Variants in CRIM1 observed in about 807,000 individuals in gnomAD.
The protein encoded by CRIM1 is cysteine-rich motor neuron 1 protein.
Under a neutral mutation model 116.4 loss-of-function variants are expected in CRIM1, and 32 were observed. The ratio of observed to expected loss-of-function variants is 0.27; its 90% CI spans 0.21 to 0.37. CRIM1 has a LOEUF of 0.37. Among genes scored for constraint, CRIM1 ranks in the 10% least tolerant of loss-of-function variants. CRIM1 has a pLI of 1.00. For missense variants in CRIM1, 1,331 were observed against 1,354.8 expected (o/e 0.98, Z 0.28); for synonymous variants, 590 against 509.2 (o/e 1.16, Z -2.13).
chr2:36,398,394 T>A (rs1365048193), intron 2 of CRIM1, among the ~76,000 whole-genome samples: 2 of 152,194 alleles, frequency 1.3e-5, no homozygotes, highest in African/African-American at 4.8e-5. Context: ...GGAAGTTTTG[T>A]CCCAAAACCC....
At chr2:36,504,633 A>T (rs1449372784) in intron 8 of CRIM1, among the ~76,000 whole-genome samples, 4 of 152,238 alleles carry the variant, frequency 2.6e-5, no homozygotes, top group South Asian at 4.1e-4. Context: ...AGAATAAAAA[A>T]TGTTTTTAAA....
Position 36,393,444 on chromosome 2 carries a change from A to G in CRIM1, c.332-3170A>G, listed in dbSNP as rs138740629. 6.7e-4 allele frequency among the ~76,000 whole-genome samples: 102 copies of G among 152,212 alleles called. 1 individual carries two copies. The East Asian group carries it at 0.018, about 27-fold the overall frequency. ...AGACACTTTTTTTGTTAAAGACACA[A>G]CTGCATTGACCATACCAGTGACATA... is the stretch of plus-strand genomic sequence containing the variant. On this transcript the variant is annotated intron_variant, in intron 1 of 16. Transcript: ENST00000280527.
intron 15 of CRIM1, among the ~76,000 whole-genome samples, chr2:36,545,957 A>G: frequency 6.6e-6 from 1 of 152,134 alleles, no homozygotes; most frequent in South Asian, 2.1e-4. Flanking sequence ...TGCACTGGCT[A>G]AAATGATTAG....
intron 6 of CRIM1, among the ~76,000 whole-genome samples, chr2:36,478,957 G>T (rs967257868): frequency 6.6e-5 from 10 of 152,136 alleles, no homozygotes; most frequent in African/African-American, 2.2e-4. Context: ...AAGGCACAGT[G>T]ACCCATGGTA....
intron 13 of CRIM1, among the ~76,000 whole-genome samples, chr2:36,530,845 CT>C (rs752062566): frequency 1.3e-5 from 2 of 152,206 alleles, no homozygotes; most frequent in Non-Finnish European, 2.9e-5. Context: ...GTCTGCGCGT[CT>C]TTTCCAGACA....
At chr2:36,491,845 C>T (rs900978301) in intron 7 of CRIM1, among the ~76,000 whole-genome samples, 36 of 152,062 alleles carry the variant, frequency 2.4e-4, no homozygotes, top group African/African-American at 8.5e-4. Flanking sequence ...ACATTATTTC[C>T]ACTTAAAGCT....
chr2:36,489,227 G>A (rs1460103694), intron 7 of CRIM1, among the ~76,000 whole-genome samples: 6 of 152,168 alleles, frequency 3.9e-5, no homozygotes, highest in African/African-American at 1.4e-4. Flanking sequence ...TTGCCTATCA[G>A]TAGGAAGACA....
intron 13 of CRIM1, among the ~76,000 whole-genome samples, chr2:36,536,338 C>G (rs939650612): frequency 2.2e-4 from 31 of 140,688 alleles, no homozygotes; most frequent in Non-Finnish European, 4.1e-4. Flanking sequence ...GACTGCCTTC[C>G]TAAGGAACTT....
intron 2 of CRIM1, among the ~76,000 whole-genome samples, chr2:36,408,157 C>A (rs1161776671): frequency 6.6e-6 from 1 of 152,162 alleles, no homozygotes; most frequent in Non-Finnish European, 1.5e-5. Flanking sequence ...GTTAATATTG[C>A]AAGGACAAAA....
intron 2 of CRIM1, among the ~76,000 whole-genome samples, chr2:36,430,955 G>T (rs1288328451): frequency 6.6e-6 from 1 of 152,162 alleles, no homozygotes; most frequent in East Asian, 1.9e-4. Context: ...CCTATATAAG[G>T]CTGCTTCCTT....
intron 1 of CRIM1, among the ~76,000 whole-genome samples, chr2:36,391,445 G>A (rs1671592641): frequency 6.6e-6 from 1 of 152,080 alleles, no homozygotes; most frequent in Admixed American, 6.5e-5. Context: ...GATTTTTTTA[G>A]AACATTAATG....
intron 13 of CRIM1, among the ~76,000 whole-genome samples, chr2:36,533,438 A>C (rs116623137): frequency 2.6e-3 from 398 of 151,940 alleles, no homozygotes; most frequent in Non-Finnish European, 4.9e-3. Flanking sequence ...AAAAAAAAAA[A>C]AAAAACCCTA....
rs1284928906 is a variant in CRIM1 at position 36,549,901 on chromosome 2, TTA to T, written c.*1202_*1203del. The T allele has an allele frequency of 2.6e-5, 4 of 152,350 alleles. No homozygotes were observed. Among genetic ancestry groups the T allele is most frequent in the South Asian group, 2.1e-4 (1 of 4,824 alleles). The allele number at this position is 152,350 out of a possible 1,614,324, so 9.4% of individuals were successfully genotyped here. A position where few individuals can be genotyped will look rare whatever the true frequency, so the allele number is the denominator to read the frequency against. ...TTATGTTTTCCTGTTGAATGTATTT[TTA>T]TGAGATTTTAACCAGAACAAAGGCA... On this transcript the variant is annotated 3_prime_UTR_variant, in exon 17 of 17. Transcript: ENST00000280527.
intron 9 of CRIM1, 55 bp from the exon 10 acceptor site, chr2:36,512,218 G>A: frequency 6.3e-7 from 1 of 1,590,708 alleles, no homozygotes; most frequent in South Asian, 1.1e-5. Flanking sequence ...GAGTGCTTGG[G>A]CATCATTTGA....
At chr2:36,474,359 A>C (rs1678789971) in intron 5 of CRIM1, among the ~76,000 whole-genome samples, 1 of 152,092 alleles carries the variant, frequency 6.6e-6, no homozygotes, top group Admixed American at 6.5e-5. Flanking sequence ...TTTGTTGCTT[A>C]TGCTTTGAAT....
rs1356784603 is a variant in CRIM1 at position 36,464,515 on chromosome 2, C to T, written c.870-19C>T. ...GTTGTTTATTCATGGGGTTTTCCTT[C>T]CCTTTTCTTTGGTTTCAGATGCGAG... On this transcript the variant is annotated intron_variant, in intron 4 of 16. Transcript: ENST00000280527. 1 of 1,613,684 alleles carries T rather than the reference C, an allele frequency of 6.2e-7. No individual in the cohort carries two copies. The highest frequency in any genetic ancestry group is 1.3e-5 in the African/African-American group (1 of 74,886).
chr2:36,500,118 G>T (rs1326407971), intron 8 of CRIM1, among the ~76,000 whole-genome samples: 4 of 152,146 alleles, frequency 2.6e-5, no homozygotes, highest in Non-Finnish European at 4.4e-5. Context: ...CTGGAGCTCA[G>T]GAGTTCAAGA....
chr2:36,370,783 T>G (rs1475523672), intron 1 of CRIM1, among the ~76,000 whole-genome samples: 1 of 152,138 alleles, frequency 6.6e-6, no homozygotes, highest in African/African-American at 2.4e-5. Context: ...AACAGTGAAC[T>G]TTTTTTCTTT....
intron 4 of CRIM1, among the ~76,000 whole-genome samples, chr2:36,457,059 G>A (rs1677193575): frequency 6.6e-6 from 1 of 152,174 alleles, no homozygotes; most frequent in Non-Finnish European, 1.5e-5. Flanking sequence ...CCTCGAGGAG[G>A]AAGCTAGGAA....
Sources: allele counts gnomAD v4.1 joint callset (sites outside exome capture counted in the v4.1 genomes callset), GRCh38; gene constraint gnomAD v4.1.1; transcripts MANE v1.5; gene names NCBI Gene and HGNC (gene_info 2026-07-23, HGNC 2026-07-21).